GUCY1A2: variants seen among roughly 807,000 people sequenced by gnomAD.
GUCY1A2 encodes the protein guanylate cyclase soluble subunit alpha-2.
A neutral mutation model predicts 63.5 loss-of-function variants in GUCY1A2; 27 were observed. The observed-to-expected ratio is 0.43, with a 90% confidence interval of 0.31 to 0.59. The LOEUF (loss-of-function observed/expected upper bound fraction) is 0.59. GUCY1A2 is among the 20% of genes least tolerant of loss of function. The pLI is 0.11. For synonymous variants in GUCY1A2, 364 were observed against 343.5 expected (o/e 1.06, Z -0.66); for missense variants, 768 against 913.3 (o/e 0.84, Z 2.05).
intron 5 of GUCY1A2, among the ~76,000 whole-genome samples, chr11:106,806,831 T>C (rs993203014): frequency 3.9e-5 from 6 of 152,190 alleles, no homozygotes; most frequent in Non-Finnish European, 8.8e-5. Context: ...AGTTTATAGA[T>C]AGCTTGATTA....
chr11:106,744,342 GTT>G (rs1242989257), intron 6 of GUCY1A2, among the ~76,000 whole-genome samples: 3 of 150,918 alleles, frequency 2.0e-5, no homozygotes, highest in Non-Finnish European at 4.4e-5. Context: ...CACCTCCTGG[GTT>G]CATGCCATTC....
At chr11:106,779,598 A>G (rs1409495175) in intron 5 of GUCY1A2, among the ~76,000 whole-genome samples, 1 of 152,136 alleles carries the variant, frequency 6.6e-6, no homozygotes, top group Non-Finnish European at 1.5e-5. Flanking sequence ...GAGCACAATC[A>G]CTTCCTGAAA....
At chr11:106,917,102 T>C (rs1180718026) in intron 4 of GUCY1A2, among the ~76,000 whole-genome samples, 1 of 145,496 alleles carries the variant, frequency 6.9e-6, no homozygotes, top group Non-Finnish European at 1.5e-5. Context: ...CAGATAGTAG[T>C]GTTATAAAGA....
chr11:106,772,162 T>A (rs937339033), intron 6 of GUCY1A2, among the ~76,000 whole-genome samples: 2 of 152,216 alleles, frequency 1.3e-5, no homozygotes, highest in African/African-American at 4.8e-5. Flanking sequence ...TTCCAAGCAA[T>A]TGTATATGAC....
chr11:106,857,407 T>C (rs1002387756), intron 4 of GUCY1A2, among the ~76,000 whole-genome samples: 1 of 152,120 alleles, frequency 6.6e-6, no homozygotes, highest in Non-Finnish European at 1.5e-5. Flanking sequence ...TACCAACACA[T>C]TTGGATTAGA....
intron 7 of GUCY1A2, among the ~76,000 whole-genome samples, 195 bp from the exon 8 acceptor site, chr11:106,687,951 T>C (rs764479056): frequency 2.0e-5 from 3 of 152,140 alleles, no homozygotes; most frequent in Admixed American, 2.0e-4. Flanking sequence ...CTTCATGTGA[T>C]AATAATAAAA....
chr11:106,751,795 C>G (rs2135385531), intron 6 of GUCY1A2, among the ~76,000 whole-genome samples: 1 of 152,030 alleles, frequency 6.6e-6, no homozygotes, highest in Non-Finnish European at 1.5e-5. Context: ...ATGGTAGTGT[C>G]TTGATAATAT....
chr11:106,940,359 G>C (rs148683897), intron 3 of GUCY1A2, among the ~76,000 whole-genome samples, 181 bp from the exon 4 acceptor site: 144 of 152,254 alleles, frequency 9.5e-4, no homozygotes, highest in African/African-American at 3.3e-3. Context: ...ATAAATTTCA[G>C]TTCATCTTCA....
At chr11:107,010,182 C>T (rs570147323) in intron 1 of GUCY1A2, among the ~76,000 whole-genome samples, 52 of 152,292 alleles carry the variant, frequency 3.4e-4, no homozygotes, top group African/African-American at 1.3e-3. Context: ...CAAGATATTT[C>T]CCACTGCCCT....
chr11:106,907,550 C>T (rs545919370), intron 4 of GUCY1A2, among the ~76,000 whole-genome samples: 7 of 151,574 alleles, frequency 4.6e-5, no homozygotes, highest in African/African-American at 1.7e-4. Flanking sequence ...TGCTATCCCT[C>T]CCGCCTCCCG....
At chr11:106,781,112 C>CAAAAAAAAAAAAAAAA (rs565279937) in intron 5 of GUCY1A2, among the ~76,000 whole-genome samples, 2 of 89,028 alleles carry the variant, frequency 2.2e-5, no homozygotes, top group African/African-American at 4.1e-5. Context: ...AAACAGACTA[C>CAAAAAAAAAAAAAAAA]AAAAAAAAAA....
intron 1 of GUCY1A2, among the ~76,000 whole-genome samples, chr11:107,001,793 C>T (rs1038724301): frequency 2.0e-5 from 3 of 152,002 alleles, no homozygotes; most frequent in African/African-American, 7.3e-5. Context: ...CAAAGGCAGG[C>T]GGATCACCTG....
chr11:106,830,555 T>C (rs761544876), intron 4 of GUCY1A2, among the ~76,000 whole-genome samples: 1 of 152,158 alleles, frequency 6.6e-6, no homozygotes. Flanking sequence ...CAGAAGAAAG[T>C]TGAAATATTA....
chr11:106,902,380 G>A (rs1010428756), intron 4 of GUCY1A2, among the ~76,000 whole-genome samples: 4 of 152,110 alleles, frequency 2.6e-5, no homozygotes, highest in Non-Finnish European at 4.4e-5. Flanking sequence ...AATGGTAAAC[G>A]AAAATTGGTT....
At chr11:106,691,991 C>T (rs984600488) in intron 7 of GUCY1A2, among the ~76,000 whole-genome samples, 1 of 152,004 alleles carries the variant, frequency 6.6e-6, no homozygotes, top group African/African-American at 2.4e-5. Flanking sequence ...CACAGCATGC[C>T]TGTTGATGAT....
In GUCY1A2 at chr11:106,978,616, T is replaced by C; in HGVS notation, c.487+3A>G. The C allele has an allele frequency of 1.3e-6, 2 of 1,496,104 alleles. No individual in the cohort carries two copies. The highest frequency in any genetic ancestry group is 1.8e-6 in the Non-Finnish European group (2 of 1,082,862). 92.7% of individuals were successfully genotyped at this position (1,496,104 alleles called of 1,614,324 possible). The stretch of plus-strand genomic sequence containing the variant: ...TCCATATAAATATATATAGTTAATA[T>C]ACCGAGTATATTAGCAGTACACTGA... On this transcript the variant is annotated splice_donor_region_variant and intron_variant, in intron 3 of 7. Coordinates refer to ENST00000526355, the MANE Select transcript of GUCY1A2 (RefSeq NM_000855.3).
At chr11:107,013,614 C>A (rs575143591) in intron 1 of GUCY1A2, among the ~76,000 whole-genome samples, 60 of 152,216 alleles carry the variant, frequency 3.9e-4, no homozygotes, top group Non-Finnish European at 6.3e-4. Flanking sequence ...GTGGTGTGAT[C>A]TCAGCTCATC....
At chr11:106,959,001 C>T (rs946790281) in intron 3 of GUCY1A2, among the ~76,000 whole-genome samples, 7 of 152,162 alleles carry the variant, frequency 4.6e-5, no homozygotes, top group Admixed American at 2.0e-4. Context: ...CATGTACTTA[C>T]TGAACTCATA....
intron 3 of GUCY1A2, among the ~76,000 whole-genome samples, chr11:106,953,323 G>T (rs1349545686): frequency 6.6e-6 from 1 of 152,176 alleles, no homozygotes. Flanking sequence ...GACGGATTAT[G>T]TTTATGCATT....
Sources: gnomAD v4.1 joint callset for allele counts (sites outside exome capture counted in the v4.1 genomes callset) on GRCh38, gnomAD v4.1.1 for gene constraint, MANE v1.5 for transcripts, NCBI Gene and HGNC (gene_info 2026-07-23, HGNC 2026-07-21) for gene names.